The following GLI3 variants were observed in gnomAD, a reference collection of about 807,000 sequenced individuals.
GLI3 encodes the protein GLI family zinc finger 3.
A neutral mutation model predicts 100.8 loss-of-function variants in GLI3; 20 were observed. The ratio of observed to expected loss-of-function variants is 0.20; its 90% confidence interval spans 0.14 to 0.29. The LOEUF is 0.29. Among genes scored for constraint, GLI3 ranks in the 10% least tolerant of loss-of-function variants. The pLI is 1.00. For missense variants in GLI3, 2,040 were observed against 2,128.5 expected (o/e 0.96, Z 0.82); for synonymous variants, 938 against 860.5 (o/e 1.09, Z -1.58).
In GLI3 at chr7:42,236,997, C is replaced by T. The variant is rs1468489498; in HGVS notation, c.-69G>A. 3.3e-5 allele frequency: 5 copies of T among 151,548 alleles called. No homozygotes were observed. Among genetic ancestry groups the T allele is most frequent in the African/African-American group, 7.3e-5 (3 of 41,378 alleles). The allele number at this position is 151,548 out of a possible 1,614,324, so 9.4% of individuals were successfully genotyped here. The stretch of plus-strand genomic sequence containing the variant: ...TGCGGCGGCAGCGGCTGTCAAGTCC[C>T]CGAACTTCCCATAGACCCGCGGACG... On this transcript the variant is annotated 5_prime_UTR_variant, in exon 1 of 15. Transcript: ENST00000395925.
At chr7:42,032,323 G>C (rs1395760016) in intron 7 of GLI3, among the ~76,000 whole-genome samples, 2 of 151,986 alleles carry the variant, frequency 1.3e-5, no homozygotes, top group African/African-American at 4.8e-5. Flanking sequence ...ATCATGTTTG[G>C]CTTTCACAAT....
intron 3 of GLI3, among the ~76,000 whole-genome samples, chr7:42,106,750 C>T (rs1785584846): frequency 6.6e-6 from 1 of 152,156 alleles, no homozygotes; most frequent in South Asian, 2.1e-4. Flanking sequence ...GGTGTGAAAA[C>T]AGCCTTTGTG....
intron 7 of GLI3, among the ~76,000 whole-genome samples, chr7:42,028,302 G>C (rs1166924200): frequency 6.6e-6 from 1 of 152,192 alleles, no homozygotes; most frequent in African/African-American, 2.4e-5. Context: ...AGTTGAAAGA[G>C]GGTCCCTGAA....
In GLI3 at chr7:42,147,205, A is replaced by C. The variant is rs1345863555; in HGVS notation, c.367+1021T>G. ...TGAGCATTCCCCTTTGCTGCAAGCCAACTAATGAAGGGATGAAATTAGCTT... is the reference window on the plus strand; with the variant it reads ...TGAGCATTCCCCTTTGCTGCAAGCCCACTAATGAAGGGATGAAATTAGCTT... On this transcript the variant is annotated intron_variant, in intron 3 of 14. Transcript: ENST00000395925. Among the ~76,000 whole-genome samples, 5 of 152,184 alleles carry C rather than the reference A, an allele frequency of 3.3e-5. No individual in the cohort carries two copies. In the East Asian group the frequency reaches 7.7e-4, roughly 23 times the overall value.
At chr7:42,006,692 C>A (rs182210666) in intron 10 of GLI3, among the ~76,000 whole-genome samples, 1 of 152,102 alleles carries the variant, frequency 6.6e-6, no homozygotes, top group East Asian at 1.9e-4. Context: ...ATGTGCTATT[C>A]CAGGGAAACA....
At chr7:42,117,453 A>G (rs1785888216) in intron 3 of GLI3, among the ~76,000 whole-genome samples, 1 of 152,210 alleles carries the variant, frequency 6.6e-6, no homozygotes, top group African/African-American at 2.4e-5. Flanking sequence ...TGAGAATGAC[A>G]AGTCACTTAG....
At chr7:42,202,846 A>G (rs1283390273) in intron 2 of GLI3, among the ~76,000 whole-genome samples, 1 of 152,212 alleles carries the variant, frequency 6.6e-6, no homozygotes, top group Non-Finnish European at 1.5e-5. Flanking sequence ...GGCCCCCAAC[A>G]TGACTGTAAG....
chr7:42,210,580 T>C (rs1419586258), intron 2 of GLI3, among the ~76,000 whole-genome samples: 1 of 152,108 alleles, frequency 6.6e-6, no homozygotes. Flanking sequence ...ATCACTTCTT[T>C]ATTAAGAAAG....
At chr7:42,180,486 T>C (rs750395118) in intron 2 of GLI3, among the ~76,000 whole-genome samples, 3 of 152,212 alleles carry the variant, frequency 2.0e-5, no homozygotes, top group Non-Finnish European at 2.9e-5. Flanking sequence ...TTTCAGAGGA[T>C]GGACATGTGT....
chr7:42,210,551 C>T (rs3801223), intron 2 of GLI3, among the ~76,000 whole-genome samples: 55,120 of 151,850 alleles, frequency 0.36, 11,917 homozygotes, highest in East Asian at 0.72. Context: ...TATTTTGTAG[C>T]CTGGTCCCAG....
At position 41,972,809 on chromosome 7, in the gene GLI3, G is replaced by A. The variant is rs971184525; in HGVS notation, c.1813-182C>T. On this transcript the variant is annotated intron_variant, in intron 12 of 14. Transcript: ENST00000395925. The surrounding 1 kb of genome is among the most constrained non-coding windows in gnomAD (Gnocchi z 4.4). Reference sequence around the variant, plus strand: ...AATAAGGCCATTAGAACACTGTTCCGTGTCCATAGAATTTAGCTTTAATAG... The same window carrying A: ...AATAAGGCCATTAGAACACTGTTCCATGTCCATAGAATTTAGCTTTAATAG... 8.5e-5 allele frequency among the ~76,000 whole-genome samples: 13 copies of A among 152,178 alleles called. No homozygotes were observed. The highest frequency in any genetic ancestry group is 2.9e-4 in the African/African-American group (12 of 41,422).
intron 1 of GLI3, among the ~76,000 whole-genome samples, chr7:42,252,636 G>T (rs990186099): frequency 6.6e-6 from 1 of 152,048 alleles, no homozygotes; most frequent in Non-Finnish European, 1.5e-5. Context: ...AGAAAGCTAC[G>T]TTTTCTTTAT....
chr7:41,965,564 G>A lies in GLI3; in HGVS notation c.3509C>T (p.Ala1170Val). 1.9e-6 allele frequency: 3 copies of A among 1,605,172 alleles called. No homozygotes were observed. Among genetic ancestry groups the A allele is most frequent in the East Asian group, 2.2e-5 (1 of 44,544 alleles). The change falls in exon 15 of 15, where the codon GCC becomes GTC. Residue 1170 changes from alanine (A) to valine (V), a missense_variant. By Grantham distance (64) the Ala-to-Val change is moderately conservative. This residue lies in a region of GLI3 where 1,041 missense variants were observed against 924.0 expected (regional missense o/e 1.13). Coordinates refer to ENST00000395925, the MANE Select transcript of GLI3 (RefSeq NM_000168.6). ...CTTGAGCTTGGAGGAGGACAGGTCG[G>A]CGCTTCCGGAGCTGACTTCGTTCCA... ...IQWNEVSSGS[A>V]DLSSSKLKCG...
intron 3 of GLI3, among the ~76,000 whole-genome samples, chr7:42,128,308 T>C (rs1583581319): frequency 6.6e-6 from 1 of 151,542 alleles, no homozygotes; most frequent in East Asian, 1.9e-4. Context: ...TGTATTTCTA[T>C]TGAATACTAC....
intron 3 of GLI3, chr7:42,113,306 G>C: frequency 1.7e-6 from 1 of 605,930 alleles, no homozygotes; most frequent in Middle Eastern, 3.1e-4. Flanking sequence ...ACCGACCAAA[G>C]CCCGCACACC....
intron 3 of GLI3, among the ~76,000 whole-genome samples, chr7:42,134,170 AG>A (rs1786368397): frequency 1.3e-5 from 2 of 152,136 alleles, no homozygotes; most frequent in South Asian, 4.1e-4. Context: ...TTGTCCTGGC[AG>A]TGGGGTAGGT....
At chr7:42,122,054 C>T (rs1786013897) in intron 3 of GLI3, among the ~76,000 whole-genome samples, 1 of 152,064 alleles carries the variant, frequency 6.6e-6, no homozygotes, top group Non-Finnish European at 1.5e-5. Flanking sequence ...AATCAGAGAA[C>T]ATGCAAACAA....
chr7:42,204,383 CT>C (rs1788107668), intron 2 of GLI3, among the ~76,000 whole-genome samples: 1 of 152,118 alleles, frequency 6.6e-6, no homozygotes, highest in African/African-American at 2.4e-5. Context: ...TGTCTTCCCC[CT>C]GCCATCACTA....
chr7:42,119,611 G>A (rs1311744057), intron 3 of GLI3, among the ~76,000 whole-genome samples: 1 of 152,160 alleles, frequency 6.6e-6, no homozygotes, highest in Non-Finnish European at 1.5e-5. Flanking sequence ...AACAGATAGA[G>A]AACTGACACA....
Sources: allele counts gnomAD v4.1 joint callset (sites outside exome capture counted in the v4.1 genomes callset), GRCh38; gene constraint gnomAD v4.1.1; regional missense constraint gnomAD v4.1.1; non-coding constraint Gnocchi (gnomAD v3.1); transcripts MANE v1.5; gene names NCBI Gene and HGNC (gene_info 2026-07-23, HGNC 2026-07-21).